CYP51A1: variants seen among roughly 807,000 people sequenced by gnomAD.
The protein encoded by CYP51A1 is cytochrome P450 family 51 subfamily A member 1, also known as lanosterol 14-alpha demethylase.
A neutral mutation model predicts 53.5 loss-of-function variants in CYP51A1; 45 were observed. The observed-to-expected ratio is 0.84, with a 90% CI of 0.66 to 1.08. The LOEUF is 1.08. Ranked by LOEUF, CYP51A1 falls within the 50% of genes least tolerant of loss-of-function variation. CYP51A1 has a pLI of 0.00. For missense variants in CYP51A1, 462 were observed against 621.7 expected (o/e 0.74, Z 2.73); for synonymous variants, 181 against 217.7 (o/e 0.83, Z 1.48).
chr7:92,124,636 A>G (rs1273274411), intron 5 of CYP51A1, among the ~76,000 whole-genome samples: 5 of 152,240 alleles, frequency 3.3e-5, no homozygotes, highest in Non-Finnish European at 7.3e-5. Flanking sequence ...AACTGAAACC[A>G]TGTGTACAGA....
chr7:92,117,299 A>T, intron 8 of CYP51A1, 87 bp from the exon 9 acceptor site: 5 of 1,127,606 alleles, frequency 4.4e-6, no homozygotes, highest in Non-Finnish European at 6.4e-6. Flanking sequence ...GCATGAATAT[A>T]CATGGGATAC....
chr7:92,120,398 G>GA (rs1351042449), intron 7 of CYP51A1, among the ~76,000 whole-genome samples: 1 of 152,266 alleles, frequency 6.6e-6, no homozygotes, highest in Non-Finnish European at 1.5e-5. Flanking sequence ...CATATCAATG[G>GA]AATAGAACTG....
intron 7 of CYP51A1, among the ~76,000 whole-genome samples, chr7:92,121,604 G>A (rs1402148643): frequency 1.3e-5 from 2 of 152,182 alleles, no homozygotes; most frequent in East Asian, 3.8e-4. Context: ...TAAACAAAAT[G>A]TGGTCTATCC....
At position 92,113,749 on chromosome 7, in the gene CYP51A1, A is replaced by G. The variant is rs755673482; in HGVS notation, c.1446T>C (p.Asp482=). 1 of 1,613,256 alleles carries G rather than the reference A, an allele frequency of 6.2e-7. No homozygotes were observed. Among genetic ancestry groups the G allele is most frequent in the East Asian group, 2.2e-5 (1 of 44,794 alleles). ...MLRLYEFDLI[D]GYFPTVNYTT... ...TATAATTCACAGTGGGAAAGTATCC[A>G]TCAATGAGATCAAATTCATATAAAC... is the stretch of plus-strand genomic sequence containing the variant. The change falls in exon 10 of 10, where the codon GAT becomes GAC. Residue 482 remains aspartate, a synonymous_variant. Transcript: ENST00000003100.
intron 4 of CYP51A1, 127 bp from the exon 5 acceptor site, chr7:92,126,554 C>T: frequency 2.6e-6 from 2 of 763,454 alleles, no homozygotes; most frequent in East Asian, 5.5e-5. Flanking sequence ...TGTAGACAGA[C>T]ATGTGACTAT....
At position 92,113,782 on chromosome 7, in the gene CYP51A1, A is replaced by G; in HGVS notation, c.1413T>C (p.Thr471=). ...AYVQIKTIWS[T]MLRLYEFDLI... is the part of the protein sequence containing the mutation. The stretch of plus-strand genomic sequence containing the variant: ...GATCAAATTCATATAAACGAAGCAT[A>G]GTGGACCAAATTGTCTTAATTTGAA... The change falls in exon 10 of 10, where the codon ACT becomes ACC. Residue 471 remains threonine (T), a synonymous_variant. Transcript: ENST00000003100. 1.2e-6 allele frequency: 2 copies of G among 1,612,986 alleles called. No individual in the cohort carries two copies. Among genetic ancestry groups the G allele is most frequent in the South Asian group, 1.1e-5 (1 of 90,918 alleles).
chr7:92,114,899 G>GT (rs1819554246), intron 9 of CYP51A1, among the ~76,000 whole-genome samples: 2 of 152,234 alleles, frequency 1.3e-5, no homozygotes, highest in Non-Finnish European at 2.9e-5. Flanking sequence ...TAAACTGATA[G>GT]TGCTTAGCAC....
chr7:92,134,378 A>T lies in CYP51A1; in HGVS notation c.-14T>A, dbSNP rs201941369. 4.3e-5 allele frequency: 68 copies of T among 1,564,556 alleles called. No individual in the cohort carries two copies. In the East Asian group the frequency reaches 1.5e-3, roughly 35 times the overall value. On this transcript the variant is annotated 5_prime_UTR_variant, in exon 1 of 10. Coordinates refer to ENST00000003100, the MANE Select transcript of CYP51A1 (RefSeq NM_000786.4). ...CGCCGCCGCCATTCACTCCGTCGGA[A>T]ACACTGAAGGCCGAGGTCGCCACCG...
Position 92,123,827 on chromosome 7 carries a change from A to C in CYP51A1, c.797T>G (p.Ile266Ser), listed in dbSNP as rs764417991. The change falls in exon 6 of 10, where the codon ATC becomes AGC. Residue 266 changes from isoleucine to serine, a missense_variant. Coordinates refer to ENST00000003100, the MANE Select transcript of CYP51A1 (RefSeq NM_000786.4). ...GATTGCCTTATAGAAAATATCCTTG[A>C]TTTCCCGATGAGCTCTGTCCCTGCG... ...FRRRDRAHRE[I>S]KDIFYKAIQK... 11 of 1,609,116 alleles carry C rather than the reference A, an allele frequency of 6.8e-6. No individual in the cohort carries two copies. Among genetic ancestry groups the C allele is most frequent in the Non-Finnish European group, 9.3e-6 (11 of 1,177,698 alleles).
chr7:92,121,809 G>A (rs74607414), intron 7 of CYP51A1, among the ~76,000 whole-genome samples: 1 of 152,312 alleles, frequency 6.6e-6, no homozygotes, highest in East Asian at 1.9e-4. Flanking sequence ...GCCAGGGGCA[G>A]CAGTCAGGGA....
upstream of CYP51A1, chr7:92,134,606 G>A (rs181225294): frequency 6.1e-5 from 30 of 490,268 alleles, no homozygotes; most frequent in African/African-American, 5.8e-4. Context: ...GCGGGATAGG[G>A]CACCTGAGGA....
chr7:92,114,224 G>T (rs1037070830), intron 9 of CYP51A1, among the ~76,000 whole-genome samples: 1 of 152,046 alleles, frequency 6.6e-6, no homozygotes, highest in Admixed American at 6.6e-5. Flanking sequence ...AACCTCAAAT[G>T]TCATTATAAA....
chr7:92,121,116 C>A (rs1296473005), intron 7 of CYP51A1, among the ~76,000 whole-genome samples: 2 of 152,034 alleles, frequency 1.3e-5, no homozygotes, highest in African/African-American at 2.4e-5. Flanking sequence ...ATGGTACAAC[C>A]TTGTCTCTAC....
intron 1 of CYP51A1, 129 bp downstream of exon 1, chr7:92,134,044 G>T: frequency 1.2e-6 from 1 of 858,930 alleles, no homozygotes; most frequent in Non-Finnish European, 1.7e-6. Context: ...GCCACGCCAA[G>T]CATGGCCGCA....
At chr7:92,116,031 G>A (rs1819574076) in intron 9 of CYP51A1, among the ~76,000 whole-genome samples, 1 of 152,226 alleles carries the variant, frequency 6.6e-6, no homozygotes, top group African/African-American at 2.4e-5. Context: ...CAGCACTGTG[G>A]GAGGCCAAGG....
intron 3 of CYP51A1, among the ~76,000 whole-genome samples, chr7:92,127,959 G>GTAA (rs1223921970): frequency 6.6e-6 from 1 of 152,160 alleles, no homozygotes; most frequent in African/African-American, 2.4e-5. Context: ...GCTAATGTGT[G>GTAA]TTACATTCAC....
At chr7:92,121,400 G>A (rs1375139524) in intron 7 of CYP51A1, among the ~76,000 whole-genome samples, 1 of 152,116 alleles carries the variant, frequency 6.6e-6, no homozygotes, top group African/African-American at 2.4e-5. Context: ...TGAAAGTGGT[G>A]CAGCCACTTT....
At chr7:92,125,695 T>C (rs1368131235) in intron 5 of CYP51A1, among the ~76,000 whole-genome samples, 3 of 152,196 alleles carry the variant, frequency 2.0e-5, no homozygotes, top group Non-Finnish European at 4.4e-5. Flanking sequence ...ATACGTGAGG[T>C]AAGCAGGCTT....
chr7:92,121,264 A>G (rs2157747), intron 7 of CYP51A1, among the ~76,000 whole-genome samples: 61,975 of 150,234 alleles, frequency 0.41, 13,261 homozygotes, highest in African/African-American at 0.51. Flanking sequence ...CCTGGGCATC[A>G]CACCAAGACT....
Sources: gnomAD v4.1 joint callset for allele counts (sites outside exome capture counted in the v4.1 genomes callset) on GRCh38, gnomAD v4.1.1 for gene constraint, MANE v1.5 for transcripts, NCBI Gene and HGNC (gene_info 2026-07-23, HGNC 2026-07-21) for gene names.